Variants in KCNU1 observed in about 807,000 individuals in gnomAD.
The protein encoded by KCNU1 is potassium channel subfamily U member 1.
KCNU1 carries 93 observed loss-of-function variants against 126.8 expected under a neutral mutation model. That is an observed-to-expected ratio of 0.73 (90% CI 0.62 to 0.87). The LOEUF (loss-of-function observed/expected upper bound fraction) is 0.87, where lower values mean the gene tolerates loss of function less well. KCNU1 is among the 40% of genes least tolerant of loss of function. The probability of loss-of-function intolerance (pLI) is 0.00; values close to 1 mark genes in which losing one functional copy is unlikely to be tolerated. For missense variants in KCNU1, 1,330 were observed against 1,367.1 expected, an observed-to-expected ratio of 0.97 and a Z score of 0.43; for synonymous variants, 523 against 494.2, an observed-to-expected ratio of 1.06 and a Z score of -0.77.
At chr8:36,813,432 G>A (rs969643272) in intron 7 of KCNU1, among the ~76,000 whole-genome samples, 6 of 151,220 alleles carry the variant, frequency 4.0e-5, no homozygotes, top group African/African-American at 1.2e-4. Context: ...AGAAAAAAAG[G>A]TCTAAAAGAA....
intron 19 of KCNU1, chr8:36,889,215 C>T (rs768388774): frequency 1.9e-6 from 1 of 534,490 alleles, no homozygotes; most frequent in South Asian, 1.4e-5. Context: ...CCTAAATCCA[C>T]CTGGCATGGT....
chr8:36,874,615 T>C (rs759450041), intron 19 of KCNU1, among the ~76,000 whole-genome samples: 5 of 152,100 alleles, frequency 3.3e-5, no homozygotes, highest in Admixed American at 6.5e-5. Flanking sequence ...TGGGGCTCTG[T>C]GGGTTAGGTG....
intron 19 of KCNU1, among the ~76,000 whole-genome samples, chr8:36,887,757 A>G (rs917604414): frequency 2.0e-5 from 3 of 152,200 alleles, no homozygotes; most frequent in African/African-American, 7.2e-5. Context: ...CTAGAGAAAC[A>G]AACAAAAAGC....
intron 18 of KCNU1, among the ~76,000 whole-genome samples, chr8:36,846,234 A>G (rs1043131507): frequency 6.4e-4 from 97 of 152,318 alleles, no homozygotes; most frequent in African/African-American, 2.3e-3. Context: ...ATGATTTCAC[A>G]GTTTTTCACA....
chr8:36,867,251 T>C (rs888267892), intron 19 of KCNU1, among the ~76,000 whole-genome samples: 2 of 152,078 alleles, frequency 1.3e-5, no homozygotes, highest in African/African-American at 4.8e-5. Context: ...TCTAGAAAGC[T>C]TCCTGTTGGG....
chr8:36,881,865 C>T (rs534232189), intron 19 of KCNU1, among the ~76,000 whole-genome samples: 7 of 149,816 alleles, frequency 4.7e-5, no homozygotes, highest in African/African-American at 1.7e-4. Context: ...CTGGCCCCTA[C>T]ATTTGTCAAA....
At chr8:36,791,819 C>G (rs1480097821) in intron 2 of KCNU1, among the ~76,000 whole-genome samples, 2 of 152,106 alleles carry the variant, frequency 1.3e-5, no homozygotes, top group African/African-American at 4.8e-5. Flanking sequence ...ATTTTATATG[C>G]ATTGTTTATG....
Position 36,935,879 on chromosome 8 carries a change from G to T in KCNU1, c.3409G>T (p.Val1137Phe), listed in dbSNP as rs372451182. ...AAATGAAAGGAAAACTTCAGATGAG[G>T]TTTATGATGAGGATCCCTTTGCATA... The part of the protein sequence containing the change: ...KENERKTSDE[V>F]YDEDPFAYSE... The change falls in exon 27 of 27, where the codon GTT (valine) becomes TTT (phenylalanine). Residue 1137 changes from valine to phenylalanine, a missense_variant. Around this residue, in one of 3 missense-constraint regions of KCNU1, gnomAD observed 1,054 missense variants for 1,053.9 expected, o/e 1.00. Transcript: ENST00000399881. 39 of 1,608,732 alleles carry T rather than the reference G, an allele frequency of 2.4e-5. No individual in the cohort carries two copies. Among genetic ancestry groups the T allele is most frequent in the Non-Finnish European group, 3.1e-5 (37 of 1,177,488 alleles).
At chr8:36,801,252 A>G (rs908080454) in intron 2 of KCNU1, among the ~76,000 whole-genome samples, 1 of 152,136 alleles carries the variant, frequency 6.6e-6, no homozygotes, top group Admixed American at 6.5e-5. Context: ...TCAGTTAAGG[A>G]GTTTTGAATT....
rs1013524753 is a variant in KCNU1, at chr8:36,921,110, T to A, written c.2597-1380T>A. 2.6e-5 allele frequency among the ~76,000 whole-genome samples: 4 copies of A among 152,244 alleles called. No individual in the cohort carries two copies. The South Asian group carries it at 8.3e-4, about 32-fold the overall frequency. Reference sequence around the variant, plus strand: ...GTCTCATGGATGCTGGCAGAAGATATAAGACTCCTGGATCAGAGACCAAAA... The same window carrying A: ...GTCTCATGGATGCTGGCAGAAGATAAAAGACTCCTGGATCAGAGACCAAAA... On this transcript the variant is annotated intron_variant, in intron 23 of 26. Coordinates refer to ENST00000399881, the MANE Select transcript of KCNU1 (RefSeq NM_001031836.3).
intron 24 of KCNU1, among the ~76,000 whole-genome samples, chr8:36,925,938 A>C (rs1808516103): frequency 6.6e-6 from 1 of 152,090 alleles, no homozygotes; most frequent in South Asian, 2.1e-4. Flanking sequence ...TATGACCCCT[A>C]CAGACCCCCA....
intron 26 of KCNU1, among the ~76,000 whole-genome samples, chr8:36,935,296 A>T (rs1363052758): frequency 6.6e-6 from 1 of 152,124 alleles, no homozygotes. Context: ...GATGAAAGCC[A>T]GCCCCCTCAT....
At chr8:36,787,614 A>G (rs1387230753) in intron 2 of KCNU1, among the ~76,000 whole-genome samples, 189 bp downstream of exon 2, 2 of 150,696 alleles carry the variant, frequency 1.3e-5, no homozygotes, top group African/African-American at 4.9e-5. Context: ...TGCTTTGTTT[A>G]TCTCTGGAAT....
chr8:36,870,112 TA>T (rs1806048344), intron 19 of KCNU1, among the ~76,000 whole-genome samples: 1 of 152,198 alleles, frequency 6.6e-6, no homozygotes, highest in Non-Finnish European at 1.5e-5. Context: ...CTTCCTTGGC[TA>T]TTTTCTAGTG....
intron 22 of KCNU1, 122 bp from the exon 23 acceptor site, chr8:36,918,701 G>A: frequency 2.9e-6 from 2 of 689,420 alleles, no homozygotes; most frequent in Non-Finnish European, 5.1e-6. Flanking sequence ...AAGGATTTGG[G>A]ATTTATACAT....
Position 36,815,653 on chromosome 8 carries a change from T to TA in KCNU1, c.962dup (p.Tyr321Ter), listed in dbSNP as rs1803882187. The change falls in exon 9 of 27, where the codon TAC becomes TAAC. Residue 321 changes from tyrosine to a stop codon, truncating the protein, a stop_gained and frameshift_variant. Coordinates refer to ENST00000399881, the MANE Select transcript of KCNU1 (RefSeq NM_001031836.3). LOFTEE classifies it high-confidence loss of function. ...GGAACTGTTTGCTAACAAGAGGAAATACACCAGTTCCTATGAAGCACTCAA... is the reference window on the plus strand; with the variant it reads ...GGAACTGTTTGCTAACAAGAGGAAATAACACCAGTTCCTATGAAGCACTCAA... ...MVELFANKRK[Y>*]TSSYEALKGK... 5 of 1,594,934 alleles carry TA rather than the reference T, an allele frequency of 3.1e-6. No individual in the cohort carries two copies. The highest frequency in any genetic ancestry group is 4.3e-6 in the Non-Finnish European group (5 of 1,169,816).
chr8:36,935,546 A>C lies in KCNU1; in HGVS notation c.3076A>C (p.Lys1026Gln), dbSNP rs201226836. Residue 1026 changes from lysine (K) to glutamine (Q), a missense_variant, in exon 27 of 27, where the codon AAG (lysine) becomes CAG (glutamine). Lys to Gln is a moderately conservative substitution (Grantham distance 53). Coordinates refer to ENST00000399881, the MANE Select transcript of KCNU1 (RefSeq NM_001031836.3). ...GATCACCCGGCCAGCCAATGAGTTC[A>C]AGCTGCTGCCTTCAGATCTTGTGTT... Reference protein sequence around the residue: ...FVITRPANEFKLLPSDLVFCA... With the variant: ...FVITRPANEFQLLPSDLVFCA... 261 of 1,610,606 alleles carry C rather than the reference A, an allele frequency of 1.6e-4. No individual in the cohort carries two copies. In the African/African-American group the frequency reaches 3.1e-3, roughly 19 times the overall value.
At chr8:36,855,748 C>T (rs1004043735) in intron 18 of KCNU1, among the ~76,000 whole-genome samples, 17 of 151,928 alleles carry the variant, frequency 1.1e-4, no homozygotes, top group Non-Finnish European at 2.5e-4. Flanking sequence ...TCGTGTCCTT[C>T]CTCTACCTTT....
rs758021938 is a variant in KCNU1 at position 36,936,017 on chromosome 8, C to T, written c.*97C>T. On this transcript the variant is annotated 3_prime_UTR_variant, in exon 27 of 27. Transcript: ENST00000399881. ...AAAGAAAATAAGAATGGAAGCATGC[C>T]ATTTTTCTGCCCATTGCTTAGTGGT... is the stretch of plus-strand genomic sequence containing the variant. The T allele has an allele frequency of 7.6e-4, 886 of 1,169,494 alleles. 1 individual carries two copies. The highest frequency in any genetic ancestry group is 9.8e-4 in the Non-Finnish European group (823 of 838,306). The allele number at this position is 1,169,494 out of a possible 1,614,324, so 72.4% of individuals were successfully genotyped here.
Sources: allele counts gnomAD v4.1 joint callset (sites outside exome capture counted in the v4.1 genomes callset), GRCh38; gene constraint gnomAD v4.1.1; regional missense constraint gnomAD v4.1.1; transcripts MANE v1.5; gene names NCBI Gene and HGNC (gene_info 2026-07-23, HGNC 2026-07-21).